The following PTPRM variants were observed in gnomAD, a reference collection of about 807,000 sequenced individuals.
PTPRM encodes receptor-type tyrosine-protein phosphatase mu.
PTPRM carries 47 observed loss-of-function variants against 186.7 expected under a neutral mutation model. The ratio of observed to expected loss-of-function variants is 0.25; its 90% CI spans 0.20 to 0.32. PTPRM has a LOEUF of 0.32. Among genes scored for constraint, PTPRM ranks in the 10% least tolerant of loss-of-function variants. The pLI, the probability that PTPRM is intolerant of heterozygous loss-of-function variation, is 1.00. For missense variants in PTPRM, 1,494 were observed against 1,865.0 expected (o/e 0.80, Z 3.66); for synonymous variants, 668 against 674.9 (o/e 0.99, Z 0.16).
chr18:7,609,426 C>A (rs2037616875), intron 1 of PTPRM, among the ~76,000 whole-genome samples: 1 of 151,906 alleles, frequency 6.6e-6, no homozygotes, highest in Admixed American at 6.5e-5. Context: ...CTGCCTGGTG[C>A]TTTGGGGCGC....
intron 2 of PTPRM, among the ~76,000 whole-genome samples, chr18:7,808,062 C>T (rs1450991528): frequency 1.3e-5 from 2 of 152,178 alleles, no homozygotes; most frequent in Non-Finnish European, 2.9e-5. Flanking sequence ...TCATAACACA[C>T]TGAACCCTGG....
intron 1 of PTPRM, among the ~76,000 whole-genome samples, chr18:7,759,785 T>A (rs949165964): frequency 2.0e-5 from 3 of 152,194 alleles, no homozygotes; most frequent in South Asian, 4.1e-4. Context: ...GAGTTTTAAA[T>A]TTCAAGCCTC....
At chr18:7,813,833 T>G (rs1813106133) in intron 2 of PTPRM, among the ~76,000 whole-genome samples, 1 of 152,190 alleles carries the variant, frequency 6.6e-6, no homozygotes, top group African/African-American at 2.4e-5. Context: ...GATTACTAAT[T>G]TATTCTTCAG....
chr18:7,912,949 A>T (rs925012775), intron 4 of PTPRM, among the ~76,000 whole-genome samples: 3 of 152,126 alleles, frequency 2.0e-5, no homozygotes, highest in Admixed American at 1.3e-4. Context: ...TGCTATCTTA[A>T]CATTATCAGG....
intron 5 of PTPRM, among the ~76,000 whole-genome samples, chr18:7,928,927 G>A (rs1160246595): frequency 6.6e-6 from 1 of 152,166 alleles, no homozygotes; most frequent in Non-Finnish European, 1.5e-5. Context: ...GTGGTATGGA[G>A]AAAGCTACTT....
intron 1 of PTPRM, among the ~76,000 whole-genome samples, chr18:7,659,787 A>T (rs2038936781): frequency 6.6e-6 from 1 of 152,166 alleles, no homozygotes; most frequent in South Asian, 2.1e-4. Context: ...CAATGGGTTG[A>T]TGGGAATCCT....
At chr18:7,833,788 C>G (rs2045886621) in intron 2 of PTPRM, among the ~76,000 whole-genome samples, 1 of 149,358 alleles carries the variant, frequency 6.7e-6, no homozygotes, top group South Asian at 2.1e-4. Context: ...ACAACAAAAG[C>G]AATGCATATT....
intron 1 of PTPRM, among the ~76,000 whole-genome samples, chr18:7,572,812 G>A (rs573144962): frequency 2.0e-5 from 3 of 152,236 alleles, no homozygotes; most frequent in East Asian, 3.9e-4. Flanking sequence ...TTTTATAAGC[G>A]AGGGAAGGTT....
chr18:7,930,433 C>G (rs1351974123), intron 5 of PTPRM, among the ~76,000 whole-genome samples: 1 of 152,144 alleles, frequency 6.6e-6, no homozygotes, highest in Non-Finnish European at 1.5e-5. Context: ...GTATTCTGCA[C>G]AAAGTTTCAT....
At chr18:8,135,546 C>T (rs1031278429) in intron 13 of PTPRM, among the ~76,000 whole-genome samples, 1 of 152,198 alleles carries the variant, frequency 6.6e-6, no homozygotes, top group Non-Finnish European at 1.5e-5. Flanking sequence ...AATGATTCTT[C>T]ACCCAGCCTG....
At position 7,927,617 on chromosome 18, in the gene PTPRM, C is replaced by T. The variant is rs375978072; in HGVS notation, c.663+934C>T. On this transcript the variant is annotated intron_variant, in intron 5 of 32. Transcript: ENST00000580170. ...CATGTGTGCTGGCCTTGTCTCTGCA[C>T]GTGCCATCTCTCCACCTCCTGTCAT... Among the ~76,000 whole-genome samples, 37 of 152,232 alleles carry T rather than the reference C, an allele frequency of 2.4e-4. 1 individual carries two copies. Among genetic ancestry groups the T allele is most frequent in the African/African-American group, 8.7e-4 (36 of 41,556 alleles).
intron 2 of PTPRM, among the ~76,000 whole-genome samples, chr18:7,829,961 A>T (rs994507825): frequency 6.6e-6 from 1 of 152,164 alleles, no homozygotes; most frequent in Admixed American, 6.5e-5. Context: ...ACATTATTTA[A>T]CAAATATTGT....
intron 2 of PTPRM, among the ~76,000 whole-genome samples, chr18:7,884,924 CAAAAAAAAAAAAAAAAA>C (rs56724615): frequency 2.6e-5 from 1 of 37,848 alleles, no homozygotes; most frequent in Non-Finnish European, 4.8e-5. Flanking sequence ...AGCTCCATCT[CAAAAAAAAAAAAAAAAA>C]AAAAAAAAAA....
intron 1 of PTPRM, among the ~76,000 whole-genome samples, chr18:7,639,306 G>A (rs940366030): frequency 6.6e-6 from 1 of 151,678 alleles, no homozygotes. Context: ...TCCTGACCTC[G>A]TGATCCGCCT....
At chr18:8,310,600 A>T (rs1029301258) in intron 20 of PTPRM, among the ~76,000 whole-genome samples, 2 of 151,322 alleles carry the variant, frequency 1.3e-5, no homozygotes, top group African/African-American at 4.9e-5. Context: ...ATGTCCCTTT[A>T]TTAGGGAATT....
intron 1 of PTPRM, among the ~76,000 whole-genome samples, chr18:7,720,286 G>C (rs978611316): frequency 6.6e-6 from 1 of 152,002 alleles, no homozygotes; most frequent in Non-Finnish European, 1.5e-5. Flanking sequence ...AAGAGTAATG[G>C]GGAAATTGCT....
At chr18:7,741,231 A>G (rs1257084629) in intron 1 of PTPRM, 2 of 152,216 alleles carry the variant, frequency 1.3e-5, no homozygotes, top group East Asian at 3.8e-4. Context: ...GTGGCCATAC[A>G]GTAGGTGTTC....
intron 5 of PTPRM, among the ~76,000 whole-genome samples, chr18:7,928,690 A>C (rs1012848909): frequency 2.0e-5 from 3 of 152,200 alleles, no homozygotes; most frequent in African/African-American, 7.2e-5. Context: ...TTAAGTCTAG[A>C]GAATACAATA....
Position 8,248,137 on chromosome 18 carries a change from C to T in PTPRM, c.2528-13C>T, listed in dbSNP as rs373558324. ...TACTTTCTCTGCATTGACCTGCTTACGGTGTATGACAGACCCATTTGTGCC... is the reference window on the plus strand; with the variant it reads ...TACTTTCTCTGCATTGACCTGCTTATGGTGTATGACAGACCCATTTGTGCC... On this transcript the variant is annotated splice_polypyrimidine_tract_variant and intron_variant, in intron 16 of 32. Transcript: ENST00000580170. The T allele has an allele frequency of 7.4e-5, 113 of 1,528,798 alleles. No individual in the cohort carries two copies. The highest frequency in any genetic ancestry group is 8.3e-5 in the Non-Finnish European group (92 of 1,102,512). 94.7% of individuals were successfully genotyped at this position (1,528,798 alleles called of 1,614,324 possible).
Sources: gnomAD v4.1 joint callset for allele counts (sites outside exome capture counted in the v4.1 genomes callset) on GRCh38, gnomAD v4.1.1 for gene constraint, MANE v1.5 for transcripts, NCBI Gene and HGNC (gene_info 2026-07-23, HGNC 2026-07-21) for gene names.